Variants in SLC38A11 observed in about 807,000 individuals in gnomAD.
SLC38A11 encodes solute carrier family 38 member 11, also known as putative sodium-coupled neutral amino acid transporter 11.
SLC38A11 carries 51 observed loss-of-function variants against 49.4 expected under a neutral mutation model. The observed-to-expected ratio is 1.03, with a 90% CI of 0.83 to 1.30. The LOEUF (loss-of-function observed/expected upper bound fraction) is 1.30, where lower values mean the gene tolerates loss of function less well. Among genes scored for constraint, SLC38A11 ranks in the 50% most tolerant of loss-of-function variants. The pLI, the probability that SLC38A11 is intolerant of heterozygous loss-of-function variation, is 0.00. For synonymous variants in SLC38A11, 203 were observed against 192.9 expected, an observed-to-expected ratio of 1.05 and a Z score of -0.43; for missense variants, 574 against 556.2, an observed-to-expected ratio of 1.03 and a Z score of -0.32.
intron 11 of SLC38A11, among the ~76,000 whole-genome samples, chr2:164,907,221 T>A (rs1685068796): frequency 6.6e-6 from 1 of 151,362 alleles, no homozygotes; most frequent in African/African-American, 2.4e-5. Flanking sequence ...CAATCTTTTC[T>A]GAAAAATGTG....
intron 7 of SLC38A11, among the ~76,000 whole-genome samples, chr2:164,918,452 G>A (rs1215794574): frequency 6.6e-6 from 1 of 151,956 alleles, no homozygotes; most frequent in Non-Finnish European, 1.5e-5. Flanking sequence ...TGAAAAACAT[G>A]GTGAGCAAAC....
chr2:164,907,270 C>CTTTTTTTTTTTTTTTTTT (rs60527900), intron 11 of SLC38A11, among the ~76,000 whole-genome samples: 3 of 97,916 alleles, frequency 3.1e-5, no homozygotes, highest in African/African-American at 3.9e-5. Flanking sequence ...CTTCTTTTCT[C>CTTTTTTTTTTTTTTTTTT]TTTTTTTTTT....
chr2:164,944,798 A>G (rs1427786894), intron 4 of SLC38A11, among the ~76,000 whole-genome samples, 164 bp from the exon 5 acceptor site: 1 of 152,214 alleles, frequency 6.6e-6, no homozygotes, highest in Non-Finnish European at 1.5e-5. Context: ...TAACTGGACA[A>G]GAGATCTATG....
Position 164,954,755 on chromosome 2 carries a change from A to G in SLC38A11, c.40-10T>C. The G allele has an allele frequency of 7.1e-7, 1 of 1,399,304 alleles. No individual in the cohort carries two copies. Among genetic ancestry groups the G allele is most frequent in the Non-Finnish European group, 9.7e-7 (1 of 1,029,742 alleles). The allele number at this position is 1,399,304 out of a possible 1,614,324, so 86.7% of individuals were successfully genotyped here. A position where few individuals can be genotyped will look rare whatever the true frequency, so the allele number is the denominator to read the frequency against. ...TGTCATCTAAATCTCTCTAATAGAT[A>G]AAATAGCAATTATAAGCAAATACTA... On this transcript the variant is annotated splice_polypyrimidine_tract_variant and intron_variant, in intron 1 of 11. Transcript: ENST00000685975.
At chr2:164,945,895 T>C (rs1436549453) in intron 3 of SLC38A11, among the ~76,000 whole-genome samples, 168 bp from the exon 4 acceptor site, 1 of 152,212 alleles carries the variant, frequency 6.6e-6, no homozygotes, top group Non-Finnish European at 1.5e-5. Context: ...CATTACCTTT[T>C]ATTAAACAGT....
chr2:164,945,762 A>T (rs765336148), intron 3 of SLC38A11, 35 bp from the exon 4 acceptor site: 3 of 1,578,776 alleles, frequency 1.9e-6, no homozygotes, highest in Non-Finnish European at 2.6e-6. Flanking sequence ...GTCAGATTAC[A>T]TGTAATACAA....
In SLC38A11 at chr2:164,915,159, A is replaced by G. The variant is rs762975617; in HGVS notation, c.803T>C (p.Ile268Thr). 22 of 1,611,988 alleles carry G rather than the reference A, an allele frequency of 1.4e-5. No individual in the cohort carries two copies. Among genetic ancestry groups the G allele is most frequent in the Middle Eastern group, 1.6e-4 (1 of 6,072 alleles). Residue 268 changes from isoleucine to threonine, a missense_variant, in exon 9 of 12, where the codon ATA (isoleucine) becomes ACA (threonine). Transcript: ENST00000685975. The stretch of plus-strand genomic sequence containing the variant: ...CAAGTATCCACATGTAGCAAAGAAT[A>G]TACAGATAAATACAGAAATCACGAT... The part of the protein sequence containing the change: ...MSIVISVFIC[I>T]FFATCGYLTF...
chr2:164,954,370 T>C (rs1162435671), intron 2 of SLC38A11, among the ~76,000 whole-genome samples: 1 of 152,180 alleles, frequency 6.6e-6, no homozygotes, highest in Non-Finnish European at 1.5e-5. Context: ...ACCACCCATA[T>C]GCAGTTTCAC....
rs959335053 is a variant in SLC38A11 at position 164,895,294 on chromosome 2, C to T, written c.*3143G>A. Among the ~76,000 whole-genome samples, 9 of 152,122 alleles carry T rather than the reference C, an allele frequency of 5.9e-5. No homozygotes were observed. The highest frequency in any genetic ancestry group is 2.1e-4 in the South Asian group (1 of 4,832). On this transcript the variant is annotated 3_prime_UTR_variant, in exon 12 of 12. Transcript: ENST00000685975. ...TAGAATAAGCATACATTCTTAAAAGCGCTTATTCTATTGAGGTAGCAAATT... is the reference window on the plus strand; with the variant it reads ...TAGAATAAGCATACATTCTTAAAAGTGCTTATTCTATTGAGGTAGCAAATT...
intron 5 of SLC38A11, among the ~76,000 whole-genome samples, chr2:164,940,195 C>CTGTAT (rs1196219024): frequency 6.8e-6 from 1 of 146,356 alleles, no homozygotes; most frequent in Non-Finnish European, 1.5e-5. Context: ...ACTGCAGATT[C>CTGTAT]TTGGCTATAT....
chr2:164,941,139 T>C (rs1362859027), intron 5 of SLC38A11, among the ~76,000 whole-genome samples: 1 of 152,108 alleles, frequency 6.6e-6, no homozygotes, highest in Non-Finnish European at 1.5e-5. Flanking sequence ...ATTACCTATA[T>C]GGATCTATCA....
intron 10 of SLC38A11, among the ~76,000 whole-genome samples, chr2:164,910,467 T>A (rs974144703): frequency 1.6e-4 from 24 of 152,022 alleles, no homozygotes; most frequent in Non-Finnish European, 3.4e-4. Flanking sequence ...TAAAAAAAAA[T>A]TAGTTCAGTC....
chr2:164,908,692 G>C lies in SLC38A11; in HGVS notation c.1043C>G (p.Ala348Gly), dbSNP rs1685191119. 1.2e-6 allele frequency: 2 copies of C among 1,610,312 alleles called. No homozygotes were observed. Among genetic ancestry groups the C allele is most frequent in the South Asian group, 2.2e-5 (2 of 90,358 alleles). ...IVVTVMVITV[A>G]TLVSLLIDCL... ...ATCAATCAGCAATGACACAAGCGTG[G>C]CTACAGTGATGACCATCACTGTTAC... is the stretch of plus-strand genomic sequence containing the variant. The change falls in exon 11 of 12, where the codon GCC becomes GGC. Residue 348 changes from alanine (A) to glycine (G), a missense_variant. Physicochemically the swap from Ala to Gly is moderately conservative, Grantham distance 60. Coordinates refer to ENST00000685975, the MANE Select transcript of SLC38A11 (RefSeq NM_001351537.2).
rs1029877600 is a variant in SLC38A11 at position 164,894,753 on chromosome 2, G to A, written c.*3684C>T. On this transcript the variant is annotated 3_prime_UTR_variant, in exon 12 of 12. Coordinates refer to ENST00000685975, the MANE Select transcript of SLC38A11 (RefSeq NM_001351537.2). ...ATTGCTCTTCACTAATATTATTGTC[G>A]TGGTTTCTCCTCTTCTCACTGTGTC... Among the ~76,000 whole-genome samples, 2 of 151,998 alleles carry A rather than the reference G, an allele frequency of 1.3e-5. No homozygotes were observed. Among genetic ancestry groups the A allele is most frequent in the African/African-American group, 2.4e-5 (1 of 41,376 alleles).
intron 7 of SLC38A11, among the ~76,000 whole-genome samples, chr2:164,935,746 C>T (rs770464622): frequency 6.6e-6 from 1 of 151,880 alleles, no homozygotes; most frequent in Admixed American, 6.6e-5. Flanking sequence ...TGCGTCCCTC[C>T]GAATTTATAT....
intron 7 of SLC38A11, among the ~76,000 whole-genome samples, chr2:164,928,025 A>G (rs1480227112): frequency 6.6e-6 from 1 of 152,162 alleles, no homozygotes; most frequent in Non-Finnish European, 1.5e-5. Context: ...ATGGTGGGTG[A>G]AATAAGTACT....
intron 7 of SLC38A11, among the ~76,000 whole-genome samples, chr2:164,921,854 A>G (rs1471514245): frequency 6.6e-6 from 1 of 152,224 alleles, no homozygotes; most frequent in Non-Finnish European, 1.5e-5. Context: ...TTGTAGCCTT[A>G]GAACAGCAAA....
At chr2:164,921,017 A>G (rs982856013) in intron 7 of SLC38A11, among the ~76,000 whole-genome samples, 2 of 149,448 alleles carry the variant, frequency 1.3e-5, no homozygotes, top group Admixed American at 6.7e-5. Flanking sequence ...AATTGTAGAG[A>G]AAAAAAAAAG....
At chr2:164,941,577 T>G (rs1004303464) in intron 5 of SLC38A11, among the ~76,000 whole-genome samples, 1 of 152,168 alleles carries the variant, frequency 6.6e-6, no homozygotes, top group Non-Finnish European at 1.5e-5. Flanking sequence ...CATTTTTGAT[T>G]ATTACAAAAT....
Sources: gnomAD v4.1 joint callset for allele counts (sites outside exome capture counted in the v4.1 genomes callset) on GRCh38, gnomAD v4.1.1 for gene constraint, MANE v1.5 for transcripts, NCBI Gene and HGNC (gene_info 2026-07-23, HGNC 2026-07-21) for gene names.